Variants in PARG observed in about 807,000 individuals in gnomAD.
The protein encoded by PARG is mitochondrial poly(ADP-ribose) glycohydrolase.
In PARG, 35 loss-of-function variants were observed where a neutral mutation model predicts 113.0. That is an observed-to-expected ratio of 0.31 (90% CI 0.24 to 0.41). The LOEUF (loss-of-function observed/expected upper bound fraction) is 0.41. Ranked by LOEUF, PARG falls within the 10% of genes least tolerant of loss-of-function variation. The pLI is 1.00. For missense variants in PARG, 797 were observed against 1,169.4 expected, an observed-to-expected ratio of 0.68 and a Z score of 4.64; for synonymous variants, 330 against 409.9, an observed-to-expected ratio of 0.81 and a Z score of 2.36.
chr10:49,843,574 G>A lies in PARG; in HGVS notation c.2412C>T (p.Ser804=), dbSNP rs927001197. Residue 804 remains serine (S), a synonymous_variant, in exon 14 of 18, where the codon AGC becomes AGT. Coordinates refer to ENST00000616448, the MANE Select transcript of PARG (RefSeq NM_003631.5). The part of the protein sequence containing the change: ...GYAETYRWSR[S]HEDGSERDDW... ...CTCACCTTTCACTCCCATCTTCGTG[G>A]CTCCGGGACCAACGATATGTCTCAG... 5.8e-6 allele frequency: 9 copies of A among 1,550,122 alleles called. No homozygotes were observed. The highest frequency in any genetic ancestry group is 7.9e-6 in the Non-Finnish European group (9 of 1,145,728).
chr10:49,892,880 A>T (rs1847878947), intron 7 of PARG, among the ~76,000 whole-genome samples: 1 of 152,214 alleles, frequency 6.6e-6, no homozygotes, highest in Admixed American at 6.5e-5. Flanking sequence ...TCAGGAGTTC[A>T]AGACCAGCCT....
Position 49,933,841 on chromosome 10 carries a change from C to T in PARG, c.607G>A (p.Glu203Lys). The T allele has an allele frequency of 6.2e-7, 1 of 1,603,998 alleles. No individual in the cohort carries two copies. The highest frequency in any genetic ancestry group is 8.5e-7 in the Non-Finnish European group (1 of 1,170,738). Residue 203 changes from glutamate (E) to lysine (K), a missense_variant, in exon 3 of 18, where the codon GAG becomes AAG. Glu to Lys is a moderately conservative substitution (Grantham distance 56). Transcript: ENST00000616448. ...AGAAACTGTTGATTGTCTCTATTCT[C>T]TTCACTATCTGTGTCACTGTGATCA... is the stretch of plus-strand genomic sequence containing the variant. Reference protein sequence around the residue: ...NDDHSDTDSEENRDNQQFLTT... With the variant: ...NDDHSDTDSEKNRDNQQFLTT...
intron 7 of PARG, among the ~76,000 whole-genome samples, chr10:49,888,264 C>T (rs1847595797): frequency 6.7e-6 from 1 of 148,814 alleles, no homozygotes; most frequent in Admixed American, 7.2e-5. Flanking sequence ...TAATTTACAA[C>T]ACTCAAAAAA....
At chr10:49,937,073 T>G (rs1197773200) in intron 1 of PARG, among the ~76,000 whole-genome samples, 6 of 152,340 alleles carry the variant, frequency 3.9e-5, no homozygotes, top group African/African-American at 1.4e-4. Flanking sequence ...AAAATGAGCT[T>G]CAGTCAGAGG....
intron 7 of PARG, chr10:49,908,683 AACAGATTATCT>A (rs2132797763): frequency 6.6e-6 from 1 of 152,314 alleles, no homozygotes; most frequent in East Asian, 1.9e-4. Flanking sequence ...AATCCCAGAA[AACAGATTATCT>A]ACGAAGAATG....
At chr10:49,868,088 AG>A (rs1846608857) in intron 10 of PARG, among the ~76,000 whole-genome samples, 1 of 152,150 alleles carries the variant, frequency 6.6e-6, no homozygotes, top group South Asian at 2.1e-4. Context: ...CCTGGGTTCA[AG>A]TGATTCTTGT....
chr10:49,820,646 T>TGG (rs1297033414), intron 16 of PARG, among the ~76,000 whole-genome samples: 1 of 148,174 alleles, frequency 6.7e-6, no homozygotes, highest in Non-Finnish European at 1.5e-5. Flanking sequence ...TGCTTGAACC[T>TGG]GGGAGGTGGA....
At chr10:49,865,985 C>G (rs1403359979) in intron 10 of PARG, among the ~76,000 whole-genome samples, 1 of 143,086 alleles carries the variant, frequency 7.0e-6, no homozygotes, top group Non-Finnish European at 1.5e-5. Flanking sequence ...GCAGTCGTAG[C>G]CAGAGGAGAA....
At chr10:49,897,894 A>G (rs1588959911) in intron 7 of PARG, among the ~76,000 whole-genome samples, 1 of 152,296 alleles carries the variant, frequency 6.6e-6, no homozygotes, top group East Asian at 1.9e-4. Context: ...TGGGTGGCTA[A>G]GGCATGAGAA....
intron 11 of PARG, among the ~76,000 whole-genome samples, chr10:49,862,859 C>G (rs1846321220): frequency 1.3e-5 from 2 of 151,314 alleles, no homozygotes; most frequent in African/African-American, 4.9e-5. Context: ...TTTGGTCCTA[C>G]TTTCCTAGCC....
intron 4 of PARG, among the ~76,000 whole-genome samples, chr10:49,927,381 A>G (rs145478587): frequency 0.01 from 571 of 54,716 alleles, 8 homozygotes; most frequent in African/African-American, 0.019. Flanking sequence ...AAAGAAAGAA[A>G]GAAAGAAAGA....
At chr10:49,833,505 G>T (rs531972293) in intron 15 of PARG, among the ~76,000 whole-genome samples, 1 of 152,252 alleles carries the variant, frequency 6.6e-6, no homozygotes, top group South Asian at 2.1e-4. Flanking sequence ...GATGCCTTTT[G>T]GCTCTAAGAT....
intron 7 of PARG, among the ~76,000 whole-genome samples, chr10:49,913,995 T>C (rs1554846958): frequency 6.6e-6 from 1 of 151,864 alleles, no homozygotes; most frequent in Non-Finnish European, 1.5e-5. Context: ...ACCTGAGTAA[T>C]CATCTCATAT....
At chr10:49,910,114 A>C (rs1170936606) in intron 7 of PARG, among the ~76,000 whole-genome samples, 1 of 152,192 alleles carries the variant, frequency 6.6e-6, no homozygotes, top group African/African-American at 2.4e-5. Context: ...TTACCTTTTA[A>C]ATTAAGTAGC....
intron 8 of PARG, among the ~76,000 whole-genome samples, chr10:49,881,910 G>C (rs1847235910): frequency 6.6e-6 from 1 of 152,144 alleles, no homozygotes; most frequent in African/African-American, 2.4e-5. Context: ...CCGTGCATTT[G>C]TTCACAACCA....
intron 14 of PARG, 63 bp downstream of exon 14, chr10:49,843,491 G>A: frequency 1.0e-6 from 1 of 980,620 alleles, no homozygotes. Flanking sequence ...GAGAGTGTGT[G>A]AGGGTCAAGC....
Position 49,933,810 on chromosome 10 carries a change from G to C in PARG, c.638C>G (p.Thr213Ser), listed in dbSNP as rs1838612105. 2 of 1,613,320 alleles carry C rather than the reference G, an allele frequency of 1.2e-6. No homozygotes were observed. The highest frequency in any genetic ancestry group is 1.3e-5 in the African/African-American group (1 of 75,034). The change falls in exon 3 of 18, where the codon ACT (threonine) becomes AGT (serine). Residue 213 changes from threonine to serine, a missense_variant. Coordinates refer to ENST00000616448, the MANE Select transcript of PARG (RefSeq NM_003631.5). ...ENRDNQQFLT[T>S]VKLANAKQTT... ...CTGCTTTGCATTTGCAAGCTTTACA[G>C]TTGTGAGAAACTGTTGATTGTCTCT... is the stretch of plus-strand genomic sequence containing the variant.
chr10:49,931,961 T>C (rs1269176625), intron 4 of PARG, 139 bp downstream of exon 4: 9 of 636,090 alleles, frequency 1.4e-5, no homozygotes, highest in Middle Eastern at 3.4e-4. Flanking sequence ...TATTGCTCCA[T>C]TCTGTAGAAT....
intron 16 of PARG, among the ~76,000 whole-genome samples, chr10:49,825,649 A>G (rs1349005376): frequency 6.6e-6 from 1 of 152,214 alleles, no homozygotes; most frequent in Non-Finnish European, 1.5e-5. Context: ...TTTTAAGAAG[A>G]TGGAGCCAAG....
Sources: allele counts gnomAD v4.1 joint callset (sites outside exome capture counted in the v4.1 genomes callset), GRCh38; gene constraint gnomAD v4.1.1; transcripts MANE v1.5; gene names NCBI Gene and HGNC (gene_info 2026-07-23, HGNC 2026-07-21).